ZFHX3: variants seen among roughly 807,000 people sequenced by gnomAD.
ZFHX3 encodes zinc finger homeobox protein 3.
In ZFHX3, 42 loss-of-function variants were observed where a neutral mutation model predicts 279.1. The ratio of observed to expected loss-of-function variants is 0.15; its 90% CI spans 0.12 to 0.19. The LOEUF (loss-of-function observed/expected upper bound fraction) is 0.19. ZFHX3 is among the 10% of genes least tolerant of loss of function. ZFHX3 has a pLI of 1.00. For missense variants in ZFHX3, 4,981 were observed against 4,754.0 expected (o/e 1.05, Z -1.40); for synonymous variants, 2,293 against 1,957.8 (o/e 1.17, Z -4.52).
At chr16:73,094,026 G>T (rs1239013137) in intron 7 of ZFHX3, among the ~76,000 whole-genome samples, 1 of 152,268 alleles carries the variant, frequency 6.6e-6, no homozygotes, top group Admixed American at 6.5e-5. Flanking sequence ...GCAAAGGCAG[G>T]ATGGGGTGAG....
At chr16:73,445,324 G>C (rs1021962111) in intron 3 of ZFHX3, among the ~76,000 whole-genome samples, 2 of 137,224 alleles carry the variant, frequency 1.5e-5, no homozygotes, top group Non-Finnish European at 3.2e-5. Context: ...GTATATGTAT[G>C]GGGGGGAGAG....
chr16:73,401,811 G>C (rs2017261755), intron 3 of ZFHX3: 1 of 152,148 alleles, frequency 6.6e-6, no homozygotes, highest in Admixed American at 6.5e-5. Context: ...CATGCCAGAG[G>C]GAACAAACGT....
intron 2 of ZFHX3, among the ~76,000 whole-genome samples, chr16:73,673,355 T>G (rs893261647): frequency 6.6e-6 from 1 of 152,184 alleles, no homozygotes; most frequent in Admixed American, 6.5e-5. Context: ...ATAGTTTGTT[T>G]CATATGTATG....
chr16:73,584,392 T>C (rs543996662), intron 2 of ZFHX3, among the ~76,000 whole-genome samples: 1 of 152,294 alleles, frequency 6.6e-6, no homozygotes, highest in South Asian at 2.1e-4. Context: ...AAGTATATAA[T>C]GTATCTTTAG....
chr16:72,788,554 TTTACTTTCTCAC>T lies in ZFHX3; in HGVS notation c.9710_9721del (p.Ser3237_Val3240del). On this transcript the variant is annotated inframe_deletion, in exon 10 of 10. Coordinates refer to ENST00000268489, the MANE Select transcript of ZFHX3 (RefSeq NM_006885.4). Reference sequence around the variant, plus strand: ...CCCTTTGTGTGCCTTTTCCTTCTCCTTTACTTTCTCACTGTCTTTGTCCTTGCGTTGCTGCTG... The same window carrying T: ...CCCTTTGTGTGCCTTTTCCTTCTCCTTGTCTTTGTCCTTGCGTTGCTGCTG... The T allele has an allele frequency of 1.2e-6, 2 of 1,614,122 alleles. No individual in the cohort carries two copies. The highest frequency in any genetic ancestry group is 8.5e-7 in the Non-Finnish European group (1 of 1,180,012).
At chr16:72,854,941 G>GA (rs1170429815) in intron 4 of ZFHX3, among the ~76,000 whole-genome samples, 3 of 118,324 alleles carry the variant, frequency 2.5e-5, no homozygotes, top group Admixed American at 2.0e-4. Flanking sequence ...TGGTGGGTGG[G>GA]GGGGGGGTGT....
chr16:73,833,699 C>G (rs1480377371), intron 1 of ZFHX3, among the ~76,000 whole-genome samples: 1 of 151,706 alleles, frequency 6.6e-6, no homozygotes, highest in Non-Finnish European at 1.5e-5. Context: ...CACGTGTATA[C>G]CTATGTAACA....
chr16:73,463,433 A>C (rs2018506579), intron 2 of ZFHX3, among the ~76,000 whole-genome samples: 1 of 152,194 alleles, frequency 6.6e-6, no homozygotes, highest in Non-Finnish European at 1.5e-5. Context: ...TTTCTCTCAG[A>C]AGACCAGAGC....
At chr16:73,002,631 C>T (rs1963541391) in intron 1 of ZFHX3, among the ~76,000 whole-genome samples, 1 of 152,118 alleles carries the variant, frequency 6.6e-6, no homozygotes, top group African/African-American at 2.4e-5. Context: ...CTAAGACTTC[C>T]ACTATTTTTA....
At chr16:73,313,977 T>C (rs1175405002) in intron 4 of ZFHX3, among the ~76,000 whole-genome samples, 1 of 152,122 alleles carries the variant, frequency 6.6e-6, no homozygotes, top group Non-Finnish European at 1.5e-5. Flanking sequence ...CACACACCTG[T>C]AGTCCCAGCT....
intron 7 of ZFHX3, chr16:73,127,326 C>G: frequency 7.7e-7 from 1 of 1,298,672 alleles, no homozygotes; most frequent in Non-Finnish European, 1.0e-6. Context: ...TCGCTGGTGG[C>G]AGCCGTACAG....
chr16:73,579,854 T>TTATACATATATA (rs2051839576), intron 2 of ZFHX3, among the ~76,000 whole-genome samples: 1 of 140,974 alleles, frequency 7.1e-6, no homozygotes, highest in Non-Finnish European at 1.5e-5. Context: ...ATTATACAGA[T>TTATACATATATA]TATATATATA....
chr16:73,755,760 A>G lies in ZFHX3; in HGVS notation c.-1607-75520T>C, dbSNP rs190450213. Among the ~76,000 whole-genome samples the G allele has an allele frequency of 9.7e-4, 148 of 152,260 alleles. 1 individual carries two copies. The highest frequency in any genetic ancestry group is 3.1e-3 in the African/African-American group (130 of 41,536). On this transcript the variant is annotated intron_variant, in intron 1 of 17. Coordinates refer to the ZFHX3 transcript ENST00000641206. The stretch of plus-strand genomic sequence containing the variant: ...GCTGCTTATCAAAATGAAGCACTGC[A>G]CCCCCCACCCATGATGTCGGCAAGA...
At chr16:73,239,744 T>C (rs1239335056) in intron 5 of ZFHX3, among the ~76,000 whole-genome samples, 2 of 152,194 alleles carry the variant, frequency 1.3e-5, no homozygotes, top group African/African-American at 2.4e-5. Flanking sequence ...GAAAATGGCA[T>C]GAGATCAGTA....
chr16:73,304,174 CAGGGTGTG>C (rs984291353), intron 4 of ZFHX3, among the ~76,000 whole-genome samples: 2 of 152,006 alleles, frequency 1.3e-5, no homozygotes, highest in Admixed American at 1.3e-4. Context: ...TGTCCAGGTT[CAGGGTGTG>C]AGTCGGAATT....
chr16:73,397,303 A>G (rs1283039356), intron 3 of ZFHX3, among the ~76,000 whole-genome samples: 1 of 152,216 alleles, frequency 6.6e-6, no homozygotes, highest in Non-Finnish European at 1.5e-5. Flanking sequence ...ATGCAAAGGC[A>G]GAAATTAACT....
At chr16:73,283,166 G>A (rs527669294) in intron 4 of ZFHX3, among the ~76,000 whole-genome samples, 4 of 152,296 alleles carry the variant, frequency 2.6e-5, no homozygotes, top group Admixed American at 1.3e-4. Flanking sequence ...ACTAATGAGC[G>A]TTGCTGTGTT....
intron 1 of ZFHX3, among the ~76,000 whole-genome samples, chr16:72,984,097 C>G (rs1962741042): frequency 6.6e-6 from 1 of 152,192 alleles, no homozygotes; most frequent in Admixed American, 6.5e-5. Flanking sequence ...CCTTCAAGCA[C>G]AGGCCTCAGC....
intron 1 of ZFHX3, among the ~76,000 whole-genome samples, chr16:73,762,995 T>A (rs999780612): frequency 1.3e-5 from 2 of 152,106 alleles, no homozygotes; most frequent in African/African-American, 4.8e-5. Flanking sequence ...ATTAATAAAA[T>A]TTTTTTTAAA....
Sources: allele counts gnomAD v4.1 joint callset (sites outside exome capture counted in the v4.1 genomes callset), GRCh38; gene constraint gnomAD v4.1.1; transcripts MANE v1.5; gene names NCBI Gene and HGNC (gene_info 2026-07-23, HGNC 2026-07-21).